Variants in PRRC2C observed in about 807,000 individuals in gnomAD.
The protein encoded by PRRC2C is protein PRRC2C.
In PRRC2C, 72 loss-of-function variants were observed where a neutral mutation model predicts 317.2. That is an observed-to-expected ratio of 0.23 (90% CI 0.19 to 0.28). PRRC2C has a LOEUF of 0.28. PRRC2C is among the 10% of genes least tolerant of loss of function. PRRC2C has a pLI of 1.00. For missense variants in PRRC2C, 3,074 were observed against 3,459.7 expected (o/e 0.89, Z 2.80); for synonymous variants, 1,296 against 1,205.9 (o/e 1.07, Z -1.55).
rs184976691 is a variant in PRRC2C at position 171,521,051 on chromosome 1, G to T, written c.751-1126G>T. ...CATCTCCTGACCTCGTGATCTACCC[G>T]CTTCGGCCTCCCAAAGTGCTGGGAT... On this transcript the variant is annotated intron_variant, in intron 6 of 34. Coordinates refer to ENST00000647382, the MANE Select transcript of PRRC2C (RefSeq NM_001387844.1). Among the ~76,000 whole-genome samples the T allele has an allele frequency of 4.6e-5, 7 of 151,590 alleles. No homozygotes were observed. In the South Asian group the frequency reaches 1.0e-3, roughly 23 times the overall value.
Position 171,589,569 on chromosome 1 carries a change from G to C in PRRC2C, c.8400G>C (p.Gln2800His). 7.8e-7 allele frequency: 1 copy of C among 1,289,744 alleles called. No homozygotes were observed. The highest frequency in any genetic ancestry group is 1.0e-6 in the Non-Finnish European group (1 of 988,858). The allele number at this position is 1,289,744 out of a possible 1,614,324, so 79.9% of individuals were successfully genotyped here. A position where few individuals can be genotyped will look rare whatever the true frequency, so the allele number is the denominator to read the frequency against. Residue 2800 changes from glutamine to histidine, a missense_variant, in exon 34 of 35, where the codon CAG (glutamine) becomes CAC (histidine). Physicochemically the swap from Gln to His is conservative, Grantham distance 24. Transcript: ENST00000647382. ...CGSLSGVRGN[Q>H]AQAALKAEQD... Reference sequence around the variant, plus strand: ...CACTATCTGGAGTCAGAGGTAATCAGGCCCAGGCTGCGTTGAAGGCTGAAC... The same window carrying C: ...CACTATCTGGAGTCAGAGGTAATCACGCCCAGGCTGCGTTGAAGGCTGAAC...
intron 17 of PRRC2C, 76 bp from the exon 18 acceptor site, chr1:171,550,010 A>G (rs1679906049): frequency 8.7e-7 from 1 of 1,148,786 alleles, no homozygotes; most frequent in Non-Finnish European, 1.2e-6. Context: ...TTTTTTAAGT[A>G]CTACTGTACT....
intron 24 of PRRC2C, among the ~76,000 whole-genome samples, chr1:171,573,363 A>G (rs1222488439): frequency 6.6e-6 from 1 of 152,210 alleles, no homozygotes; most frequent in Non-Finnish European, 1.5e-5. Flanking sequence ...TGTTCCCAGT[A>G]AAACAAAATT....
chr1:171,575,205 C>A, intron 25 of PRRC2C, 77 bp downstream of exon 25: 1 of 1,318,830 alleles, frequency 7.6e-7, no homozygotes, highest in Non-Finnish European at 1.0e-6. Context: ...TGTTTACTAT[C>A]TCTAGCCCTC....
At position 171,591,925 on chromosome 1, in the gene PRRC2C, A is replaced by C; in HGVS notation, c.*78A>C. ...TTAAGTCAGATAATGCTGGCAGCCA[A>C]AGGGGCAAAATGGCCTGTGACATTA... On this transcript the variant is annotated 3_prime_UTR_variant, in exon 35 of 35. Transcript: ENST00000647382. The C allele has an allele frequency of 6.6e-7, 1 of 1,511,676 alleles. No individual in the cohort carries two copies. Among genetic ancestry groups the C allele is most frequent in the East Asian group, 2.3e-5 (1 of 43,840 alleles). 93.6% of individuals were successfully genotyped at this position (1,511,676 alleles called of 1,614,324 possible).
intron 16 of PRRC2C, among the ~76,000 whole-genome samples, chr1:171,545,200 T>C (rs1394203571): frequency 6.6e-6 from 1 of 152,206 alleles, no homozygotes; most frequent in African/African-American, 2.4e-5. Flanking sequence ...TCATTTATAA[T>C]ATGATAGACA....
intron 17 of PRRC2C, 49 bp downstream of exon 17, chr1:171,545,736 T>TC: frequency 9.2e-7 from 1 of 1,089,710 alleles, no homozygotes. Context: ...TTTATTTATT[T>TC]ATTTATTTAT....
chr1:171,572,219 G>C (rs1684891818), intron 24 of PRRC2C, among the ~76,000 whole-genome samples: 1 of 152,024 alleles, frequency 6.6e-6, no homozygotes, highest in Non-Finnish European at 1.5e-5. Context: ...TGAACTCTGG[G>C]CTCCAGCGAT....
chr1:171,591,886 G>GGGCCCCC lies in PRRC2C; in HGVS notation c.*39_*40insGGCCCCC. Reference sequence around the variant, plus strand: ...TTGCAGGGGATTGGGAGGGGGGCGGGAAAACATGGAGAATTAAGTCAGATA... The same window carrying GGGCCCCC: ...TTGCAGGGGATTGGGAGGGGGGCGGGGGCCCCCAAAACATGGAGAATTAAGTCAGATA... On this transcript the variant is annotated 3_prime_UTR_variant, in exon 35 of 35. Transcript: ENST00000647382. 4 of 475,630 alleles carry GGGCCCCC rather than the reference G, an allele frequency of 8.4e-6. No homozygotes were observed. The highest frequency in any genetic ancestry group is 1.1e-5 in the Non-Finnish European group (3 of 266,834). The allele number at this position is 475,630 out of a possible 1,614,324, so 29.5% of individuals were successfully genotyped here.
At chr1:171,527,051 C>G (rs1674732523) in intron 10 of PRRC2C, among the ~76,000 whole-genome samples, 1 of 151,842 alleles carries the variant, frequency 6.6e-6, no homozygotes, top group African/African-American at 2.4e-5. Flanking sequence ...TGTGATCCGC[C>G]TGCCTCGGCC....
chr1:171,532,729 G>T lies in PRRC2C; in HGVS notation c.1641G>T (p.Leu547=), dbSNP rs1440325152. ...GACAGCAGGAAAAGGAGAAAGAGCT[G>T]GAGAAGGAGCAGGAAAAACAAAGAG... is the stretch of plus-strand genomic sequence containing the variant. The part of the protein sequence containing the change: ...RERQQEKEKE[L]EKEQEKQREM... The change falls in exon 12 of 35, where the codon CTG becomes CTT. Residue 547 remains leucine (L), a synonymous_variant. Transcript: ENST00000647382. 1 of 1,546,622 alleles carries T rather than the reference G, an allele frequency of 6.5e-7. No homozygotes were observed. Among genetic ancestry groups the T allele is most frequent in the African/African-American group, 1.4e-5 (1 of 72,478 alleles).
intron 19 of PRRC2C, among the ~76,000 whole-genome samples, chr1:171,558,381 G>GA (rs1476708902): frequency 5.9e-5 from 9 of 151,738 alleles, no homozygotes; most frequent in Admixed American, 3.3e-4. Flanking sequence ...CAATGTTTGG[G>GA]GGGGTCTTGT....
At chr1:171,538,106 T>G (rs1353942435) in intron 15 of PRRC2C, among the ~76,000 whole-genome samples, 2 of 152,130 alleles carry the variant, frequency 1.3e-5, no homozygotes, top group Non-Finnish European at 1.5e-5. Flanking sequence ...TTCACCGTGT[T>G]AGCCAGGATG....
chr1:171,550,206 A>C lies in PRRC2C; in HGVS notation c.5093A>C (p.Glu1698Ala). The change falls in exon 18 of 35, where the codon GAA becomes GCA. Residue 1698 changes from glutamate (E) to alanine (A), a missense_variant. Coordinates refer to ENST00000647382, the MANE Select transcript of PRRC2C (RefSeq NM_001387844.1). The stretch of plus-strand genomic sequence containing the variant: ...AAACAACAAAAACGTTTACAGGATG[A>C]AGAACGCCGAAAGAAGGAAGAACAA... ...SKKQQKRLQD[E>A]ERRKKEEQVI... The C allele has an allele frequency of 6.2e-7, 1 of 1,603,724 alleles. No individual in the cohort carries two copies. Among genetic ancestry groups the C allele is most frequent in the Non-Finnish European group, 8.5e-7 (1 of 1,174,846 alleles).
intron 1 of PRRC2C, among the ~76,000 whole-genome samples, chr1:171,507,999 T>C (rs1670572289): frequency 6.6e-6 from 1 of 152,252 alleles, no homozygotes; most frequent in Non-Finnish European, 1.5e-5. Context: ...GTTGATTTTG[T>C]ATCCTGTTGC....
chr1:171,555,408 C>T (rs1482860252), intron 18 of PRRC2C, among the ~76,000 whole-genome samples: 2 of 152,142 alleles, frequency 1.3e-5, no homozygotes, highest in African/African-American at 2.4e-5. Context: ...TGGGTTTGAA[C>T]GTCCTCCTTT....
At position 171,536,147 on chromosome 1, in the gene PRRC2C, A is replaced by G; in HGVS notation, c.2162A>G (p.Gln721Arg). The G allele has an allele frequency of 6.2e-7, 1 of 1,601,212 alleles. No homozygotes were observed. The highest frequency in any genetic ancestry group is 8.5e-7 in the Non-Finnish European group (1 of 1,173,182). Residue 721 changes from glutamine to arginine, a missense_variant, in exon 14 of 35, where the codon CAG becomes CGG. By Grantham distance (43) the Gln-to-Arg change is conservative. Around this residue, in one of 11 missense-constraint regions of PRRC2C, gnomAD observed 1,320 missense variants for 1,395.7 expected, o/e 0.95. Transcript: ENST00000647382. ...CCTCCACCACACAGACCTCTTTATC[A>G]GCCTATGCAGCCTCATCCTCAGCAT... ...VPPPPHRPLYQPMQPHPQHLA... is the reference protein window; with the variant it reads ...VPPPPHRPLYRPMQPHPQHLA...
In PRRC2C at chr1:171,514,533, A is replaced by T; in HGVS notation, c.291-3A>T. On this transcript the variant is annotated splice_region_variant and splice_polypyrimidine_tract_variant and intron_variant, in intron 3 of 34. Coordinates refer to ENST00000647382, the MANE Select transcript of PRRC2C (RefSeq NM_001387844.1). The stretch of plus-strand genomic sequence containing the variant: ...AAATAATGGATTCATATTTTTTTTT[A>T]AGAACACCAGAAGTGCCACCAGCAC... The T allele has an allele frequency of 6.5e-7, 1 of 1,544,756 alleles. No individual in the cohort carries two copies. Among genetic ancestry groups the T allele is most frequent in the South Asian group, 1.2e-5 (1 of 83,344 alleles).
intron 10 of PRRC2C, among the ~76,000 whole-genome samples, chr1:171,526,747 G>T (rs1414439412): frequency 6.6e-6 from 1 of 150,512 alleles, no homozygotes; most frequent in Admixed American, 6.6e-5. Context: ...AAAAAGAGAG[G>T]AGAAAGATGT....
Sources: allele counts gnomAD v4.1 joint callset (sites outside exome capture counted in the v4.1 genomes callset), GRCh38; gene constraint gnomAD v4.1.1; regional missense constraint gnomAD v4.1.1; transcripts MANE v1.5; gene names NCBI Gene and HGNC (gene_info 2026-07-23, HGNC 2026-07-21).